ASIC2: variants seen among roughly 807,000 people sequenced by gnomAD.
ASIC2 encodes the protein acid-sensing ion channel 2.
ASIC2 carries 25 observed loss-of-function variants against 57.3 expected under a neutral mutation model. That is an observed-to-expected ratio of 0.44 (90% confidence interval 0.32 to 0.61). The LOEUF (loss-of-function observed/expected upper bound fraction) is 0.61, where lower values mean the gene tolerates loss of function less well. Among genes scored for constraint, ASIC2 ranks in the 20% least tolerant of loss-of-function variants. ASIC2 has a pLI of 0.06. For missense variants in ASIC2, 641 were observed against 738.1 expected, an observed-to-expected ratio of 0.87 and a Z score of 1.52; for synonymous variants, 319 against 307.5, an observed-to-expected ratio of 1.04 and a Z score of -0.39.
chr17:34,050,395 G>T (rs545288761), intron 1 of ASIC2, among the ~76,000 whole-genome samples: 1 of 152,114 alleles, frequency 6.6e-6, no homozygotes, highest in Non-Finnish European at 1.5e-5. Flanking sequence ...CTGCTTCTCT[G>T]GGGGGTGGGG....
At chr17:33,239,232 A>T (rs1482299202) in intron 1 of ASIC2, among the ~76,000 whole-genome samples, 2 of 152,160 alleles carry the variant, frequency 1.3e-5, no homozygotes, top group Non-Finnish European at 2.9e-5. Context: ...CGGAGGTTGC[A>T]GTCAGCCAAG....
chr17:33,186,941 G>A (rs1156964664), intron 1 of ASIC2, among the ~76,000 whole-genome samples: 1 of 152,112 alleles, frequency 6.6e-6, no homozygotes, highest in Non-Finnish European at 1.5e-5. Flanking sequence ...TGTGATGTGC[G>A]ACGAAAAGTG....
intron 1 of ASIC2, among the ~76,000 whole-genome samples, chr17:33,787,568 C>T (rs1911643065): frequency 6.6e-6 from 1 of 152,178 alleles, no homozygotes; most frequent in African/African-American, 2.4e-5. Context: ...TGTTCTCTAA[C>T]AGGTGCCAAG....
At chr17:33,472,794 T>C (rs951405636) in intron 1 of ASIC2, among the ~76,000 whole-genome samples, 1 of 152,164 alleles carries the variant, frequency 6.6e-6, no homozygotes, top group African/African-American at 2.4e-5. Flanking sequence ...GCCACTCTGG[T>C]AACTGACAAG....
intron 1 of ASIC2, among the ~76,000 whole-genome samples, chr17:33,860,870 A>G (rs556287238): frequency 1.3e-5 from 2 of 152,294 alleles, no homozygotes; most frequent in Admixed American, 6.5e-5. Flanking sequence ...CATCCCACAC[A>G]CTGTGCTAGA....
At chr17:34,143,956 C>G (rs1196072157) in intron 1 of ASIC2, among the ~76,000 whole-genome samples, 1 of 152,074 alleles carries the variant, frequency 6.6e-6, no homozygotes, top group Admixed American at 6.6e-5. Flanking sequence ...CAACACAAAA[C>G]AGACTAAGAC....
At chr17:33,735,989 C>A (rs902675858) in intron 1 of ASIC2, among the ~76,000 whole-genome samples, 4 of 152,148 alleles carry the variant, frequency 2.6e-5, no homozygotes, top group Non-Finnish European at 5.9e-5. Context: ...CAGTCCCAGT[C>A]ACCCTCCTGG....
At chr17:33,687,720 A>T (rs1303930973) in intron 1 of ASIC2, among the ~76,000 whole-genome samples, 1 of 152,156 alleles carries the variant, frequency 6.6e-6, no homozygotes, top group African/African-American at 2.4e-5. Flanking sequence ...TATTCATTGG[A>T]TGTAGTTTAC....
intron 1 of ASIC2, among the ~76,000 whole-genome samples, chr17:33,165,700 A>G (rs1261113917): frequency 1.3e-5 from 2 of 152,166 alleles, no homozygotes; most frequent in African/African-American, 4.8e-5. Flanking sequence ...TTCCAGAGAT[A>G]GTAACAAGGA....
At chr17:33,220,461 G>A (rs1268751476) in intron 1 of ASIC2, among the ~76,000 whole-genome samples, 1 of 152,122 alleles carries the variant, frequency 6.6e-6, no homozygotes, top group African/African-American at 2.4e-5. Context: ...TGGGAGAAGT[G>A]AATACACCTG....
At chr17:33,277,194 C>G (rs1024314424) in intron 1 of ASIC2, among the ~76,000 whole-genome samples, 2 of 152,188 alleles carry the variant, frequency 1.3e-5, no homozygotes, top group African/African-American at 2.4e-5. Flanking sequence ...GGATTCAATT[C>G]CCTGTGACCA....
At chr17:33,520,607 G>C (rs9905752) in intron 1 of ASIC2, among the ~76,000 whole-genome samples, 3,653 of 152,322 alleles carry the variant, frequency 0.024, 152 homozygotes, top group African/African-American at 0.084. Flanking sequence ...TTTGGAGAGA[G>C]ACCACGAGAG....
intron 1 of ASIC2, among the ~76,000 whole-genome samples, chr17:33,255,951 T>G (rs369108059): frequency 7.2e-5 from 11 of 152,318 alleles, no homozygotes; most frequent in African/African-American, 2.6e-4. Flanking sequence ...CTCTTATTAA[T>G]ATTTTCCTCC....
chr17:33,946,026 C>A (rs188519449), intron 1 of ASIC2, among the ~76,000 whole-genome samples: 1 of 152,162 alleles, frequency 6.6e-6, no homozygotes, highest in Non-Finnish European at 1.5e-5. Context: ...CCTTAGCATA[C>A]GACATGCCAC....
chr17:33,894,350 C>CGTGT (rs201934419), intron 1 of ASIC2, among the ~76,000 whole-genome samples: 35 of 138,614 alleles, frequency 2.5e-4, no homozygotes, highest in Admixed American at 5.7e-4. Flanking sequence ...TGCGTGCGTG[C>CGTGT]GTGTGTGTGT....
At chr17:33,643,138 A>G (rs939283595) in intron 1 of ASIC2, among the ~76,000 whole-genome samples, 1 of 87,068 alleles carries the variant, frequency 1.1e-5, no homozygotes, top group African/African-American at 5.4e-5. Flanking sequence ...TCATTCTCAC[A>G]TGCTCATTTC....
rs1555567736 is a variant in ASIC2 at position 33,863,911 on chromosome 17, T to TG, written c.555+292066_555+292067insC. Among the ~76,000 whole-genome samples the TG allele has an allele frequency of 1.1e-4, 12 of 110,954 alleles. No individual in the cohort carries two copies. The East Asian group carries it at 1.9e-3, about 18-fold the overall frequency. The allele number at this position is 110,954 out of a possible 152,430, so 72.8% of individuals were successfully genotyped here. ...TTACCTCTTTTTTTGTTTTTTTTTTTTTTGTTTTTGAGATGGAGTTTCGCT... is the reference window on the plus strand; with the variant it reads ...TTACCTCTTTTTTTGTTTTTTTTTTTGTTTGTTTTTGAGATGGAGTTTCGCT... On this transcript the variant is annotated intron_variant, in intron 1 of 9. Transcript: ENST00000359872.
intron 2 of ASIC2, among the ~76,000 whole-genome samples, chr17:33,092,479 C>T (rs1029766061): frequency 1.3e-5 from 2 of 152,248 alleles, no homozygotes; most frequent in Non-Finnish European, 2.9e-5. Flanking sequence ...TTAAAATCTC[C>T]TAGATGGCTT....
chr17:33,891,013 T>C (rs1039713682), intron 1 of ASIC2, among the ~76,000 whole-genome samples: 1 of 152,082 alleles, frequency 6.6e-6, no homozygotes, highest in Non-Finnish European at 1.5e-5. Context: ...GAGACAGGAA[T>C]CCTTGAGCCC....
Sources: allele counts gnomAD v4.1 joint callset (sites outside exome capture counted in the v4.1 genomes callset), GRCh38; gene constraint gnomAD v4.1.1; transcripts MANE v1.5; gene names NCBI Gene and HGNC (gene_info 2026-07-23, HGNC 2026-07-21).